Variants in SLC13A3 observed in about 807,000 individuals in gnomAD.
SLC13A3 encodes solute carrier family 13 member 3, also known as Na(+)/dicarboxylate cotransporter 3.
In SLC13A3, 40 loss-of-function variants were observed where a neutral mutation model predicts 59.0. The observed-to-expected ratio is 0.68, with a 90% confidence interval of 0.53 to 0.88. The LOEUF (loss-of-function observed/expected upper bound fraction) is 0.88. Ranked by LOEUF, SLC13A3 falls within the 40% of genes least tolerant of loss-of-function variation. The probability of loss-of-function intolerance (pLI) is 0.00; values close to 1 mark genes in which losing one functional copy is unlikely to be tolerated. For synonymous variants in SLC13A3, 317 were observed against 330.3 expected, an observed-to-expected ratio of 0.96 and a Z score of 0.44; for missense variants, 699 against 783.2, an observed-to-expected ratio of 0.89 and a Z score of 1.28.
chr20:46,564,211 C>T (rs942393532), intron 11 of SLC13A3, among the ~76,000 whole-genome samples: 11 of 152,242 alleles, frequency 7.2e-5, no homozygotes, highest in Admixed American at 7.2e-4. Flanking sequence ...AGAAAGAGAG[C>T]TCATGAGAGC....
intron 3 of SLC13A3, among the ~76,000 whole-genome samples, chr20:46,600,275 G>A (rs1364171531): frequency 7.4e-6 from 1 of 135,554 alleles, no homozygotes; most frequent in Non-Finnish European, 1.5e-5. Flanking sequence ...GGAAAGGAAA[G>A]GAAAGGAAAG....
Position 46,682,837 on chromosome 20 carries a change from T to A in SLC13A3, c.-31+1559A>T, listed in dbSNP as rs1475912235. Among the ~76,000 whole-genome samples the A allele has an allele frequency of 2.0e-5, 3 of 152,192 alleles. No homozygotes were observed. In the East Asian group the frequency reaches 5.8e-4, roughly 29 times the overall value. On this transcript the variant is annotated intron_variant, in intron 1 of 6. Transcript: ENST00000372121. ...CTGGGGATTCACACAAAACTGCTAG[T>A]GCTGTTGGCTCAGCACTGCAAAGCA...
intron 1 of SLC13A3, among the ~76,000 whole-genome samples, chr20:46,625,706 C>A (rs2062661679): frequency 6.6e-6 from 1 of 152,184 alleles, no homozygotes; most frequent in Non-Finnish European, 1.5e-5. Flanking sequence ...TGGAATCATA[C>A]AGGATGTACT....
At chr20:46,653,981 A>C (rs1230561306), upstream of SLC13A3, among the ~76,000 whole-genome samples, 1 of 152,180 alleles carries the variant, frequency 6.6e-6, no homozygotes, top group African/African-American at 2.4e-5. Context: ...CTGGATCATA[A>C]GGTAATTCTG....
intron 9 of SLC13A3, chr20:46,583,284 T>G: frequency 1.3e-6 from 1 of 753,308 alleles, no homozygotes; most frequent in Non-Finnish European, 1.7e-6. Context: ...TTTCTTTTGG[T>G]TTTTTTTTCA....
chr20:46,583,327 C>T, intron 9 of SLC13A3: 1 of 1,088,426 alleles, frequency 9.2e-7, no homozygotes, highest in Non-Finnish European at 1.2e-6. Flanking sequence ...GTGCTTAGCT[C>T]ACAGGCTGTT....
chr20:46,657,651 G>C (rs2063003342), intron 1 of SLC13A3, among the ~76,000 whole-genome samples: 2 of 152,076 alleles, frequency 1.3e-5, no homozygotes, highest in Non-Finnish European at 2.9e-5. Flanking sequence ...AAAGAAATAT[G>C]TGAGGCTGAG....
intron 1 of SLC13A3, among the ~76,000 whole-genome samples, chr20:46,631,373 C>T (rs774409755): frequency 6.6e-5 from 10 of 152,166 alleles, no homozygotes; most frequent in Non-Finnish European, 1.5e-4. Context: ...AGTGGTTGTC[C>T]CAAGAAGGAA....
intron 1 of SLC13A3, among the ~76,000 whole-genome samples, chr20:46,632,760 AG>A (rs2062752689): frequency 6.6e-6 from 1 of 152,054 alleles, no homozygotes; most frequent in Admixed American, 6.5e-5. Context: ...CGTAGGTAAA[AG>A]GCTGGGTGCA....
chr20:46,638,841 G>T (rs894184782), intron 1 of SLC13A3, among the ~76,000 whole-genome samples: 1 of 152,212 alleles, frequency 6.6e-6, no homozygotes, highest in Admixed American at 6.5e-5. Flanking sequence ...GTGCATGGGA[G>T]GGTGTTTAGC....
intron 1 of SLC13A3, among the ~76,000 whole-genome samples, chr20:46,635,247 G>A (rs1437273746): frequency 6.6e-6 from 1 of 152,050 alleles, no homozygotes; most frequent in Non-Finnish European, 1.5e-5. Context: ...ATGATTCCAG[G>A]TACCACATAT....
intron 1 of SLC13A3, among the ~76,000 whole-genome samples, chr20:46,629,894 T>C (rs2062720608): frequency 6.6e-6 from 1 of 152,240 alleles, no homozygotes; most frequent in Non-Finnish European, 1.5e-5. Context: ...TTATTCTGTT[T>C]TTCTCCTTTC....
Position 46,592,480 on chromosome 20 carries a change from C to G in SLC13A3, c.844G>C (p.Ala282Pro). 1 of 1,613,770 alleles carries G rather than the reference C, an allele frequency of 6.2e-7. No homozygotes were observed. The highest frequency in any genetic ancestry group is 8.5e-7 in the Non-Finnish European group (1 of 1,179,852). Reference sequence around the variant, plus strand: ...AGGAACAACAGCATAAGAGGGAAGGCGAAAATGAACCAGGAGCCGAAATTC... The same window carrying G: ...AGGAACAACAGCATAAGAGGGAAGGGGAAAATGAACCAGGAGCCGAAATTC... ...VVNFGSWFIF[A>P]FPLMLLFLLA... The change falls in exon 6 of 13, where the codon GCC becomes CCC. Residue 282 changes from alanine (A) to proline (P), a missense_variant. By Grantham distance (27) the Ala-to-Pro change is conservative. Transcript: ENST00000279027.
rs1402957802 is a variant in SLC13A3 at position 46,575,695 on chromosome 20, G to A, written c.1220-10C>T. Reference sequence around the variant, plus strand: ...GTCTCTGTGTTGGGAGCTGGGCAGAGAGAGGGATTCAGCACACACTCAGGG... The same window carrying A: ...GTCTCTGTGTTGGGAGCTGGGCAGAAAGAGGGATTCAGCACACACTCAGGG... On this transcript the variant is annotated splice_polypyrimidine_tract_variant and intron_variant, in intron 9 of 12. Coordinates refer to ENST00000279027, the MANE Select transcript of SLC13A3 (RefSeq NM_022829.6). 1 of 1,554,782 alleles carries A rather than the reference G, an allele frequency of 6.4e-7. No individual in the cohort carries two copies. The highest frequency in any genetic ancestry group is 1.8e-5 in the Admixed American group (1 of 54,686).
chr20:46,596,893 A>G (rs2062317601), intron 4 of SLC13A3, among the ~76,000 whole-genome samples: 1 of 152,166 alleles, frequency 6.6e-6, no homozygotes, highest in African/African-American at 2.4e-5. Flanking sequence ...TCTATAAAAA[A>G]AATTTAAAAA....
At chr20:46,566,546 A>G in intron 10 of SLC13A3, 156 bp from the exon 11 acceptor site, 1 of 737,336 alleles carries the variant, frequency 1.4e-6, no homozygotes. Context: ...AATGTCACAC[A>G]TTCGAGCCAA....
intron 8 of SLC13A3, among the ~76,000 whole-genome samples, chr20:46,587,273 T>C (rs1255189456): frequency 1.3e-5 from 2 of 152,190 alleles, no homozygotes; most frequent in Non-Finnish European, 2.9e-5. Flanking sequence ...AAAAACGTAC[T>C]AGTATAATAT....
chr20:46,565,670 A>G (rs1364994798), intron 11 of SLC13A3, among the ~76,000 whole-genome samples: 3 of 151,848 alleles, frequency 2.0e-5, no homozygotes, highest in African/African-American at 7.3e-5. Flanking sequence ...GGGTAGGGGG[A>G]AGGATTTGTT....
chr20:46,572,376 T>C (rs2062036532), intron 10 of SLC13A3, among the ~76,000 whole-genome samples: 1 of 152,252 alleles, frequency 6.6e-6, no homozygotes, highest in South Asian at 2.1e-4. Flanking sequence ...ACAAAGCCCC[T>C]GTTGAAGAGA....
Sources: gnomAD v4.1 joint callset for allele counts (sites outside exome capture counted in the v4.1 genomes callset) on GRCh38, gnomAD v4.1.1 for gene constraint, MANE v1.5 for transcripts, NCBI Gene and HGNC (gene_info 2026-07-23, HGNC 2026-07-21) for gene names.